The following ASTN2 variants were observed in gnomAD, a reference collection of about 807,000 sequenced individuals.
ASTN2 encodes astrotactin 2.
A neutral mutation model predicts 139.8 loss-of-function variants in ASTN2; 54 were observed. The observed-to-expected ratio is 0.39, with a 90% CI of 0.31 to 0.48. The LOEUF (loss-of-function observed/expected upper bound fraction) is 0.48. Ranked by LOEUF, ASTN2 falls within the 20% of genes least tolerant of loss-of-function variation. The pLI is 0.95. For missense variants in ASTN2, 1,565 were observed against 1,725.1 expected, an observed-to-expected ratio of 0.91 and a Z score of 1.64; for synonymous variants, 756 against 719.5, an observed-to-expected ratio of 1.05 and a Z score of -0.81.
chr9:116,447,217 G>A lies in ASTN2; in HGVS notation c.3498-4664C>T, dbSNP rs1194760466. Among the ~76,000 whole-genome samples the A allele has an allele frequency of 2.6e-5, 4 of 151,998 alleles. No individual in the cohort carries two copies. The East Asian group carries it at 5.8e-4, about 22-fold the overall frequency. The stretch of plus-strand genomic sequence containing the variant: ...CTCTCCACCTTGTCCTTGAAGCATC[G>A]CTCAAACCTTACCTCCTCTGGAAAG... On this transcript the variant is annotated intron_variant, in intron 20 of 22. Transcript: ENST00000313400.
At chr9:116,834,765 C>T (rs140810359) in intron 11 of ASTN2, among the ~76,000 whole-genome samples, 115 of 152,296 alleles carry the variant, frequency 7.6e-4, no homozygotes, top group African/African-American at 2.6e-3. Context: ...AAACTATTTG[C>T]GACTGGGCAC....
At chr9:116,996,337 T>C (rs1489473606) in intron 7 of ASTN2, among the ~76,000 whole-genome samples, 1 of 152,190 alleles carries the variant, frequency 6.6e-6, no homozygotes, top group Non-Finnish European at 1.5e-5. Context: ...ATTTAAAATA[T>C]AATCACATCT....
Position 117,203,308 on chromosome 9 carries a change from T to C in ASTN2, c.1015+11050A>G, listed in dbSNP as rs534470486. ...GCTCCTTTAGCTCATCATGGTTTTTTATTACCCATCTTCTGAAGCCTACTC... is the reference window on the plus strand; with the variant it reads ...GCTCCTTTAGCTCATCATGGTTTTTCATTACCCATCTTCTGAAGCCTACTC... On this transcript the variant is annotated intron_variant, in intron 3 of 22. Transcript: ENST00000313400. Among the ~76,000 whole-genome samples the C allele has an allele frequency of 2.6e-5, 4 of 152,248 alleles. No individual in the cohort carries two copies. The East Asian group carries it at 7.8e-4, about 30-fold the overall frequency.
chr9:117,138,716 A>T lies in ASTN2; in HGVS notation c.1168+2610T>A, dbSNP rs183356096. 3.1e-3 allele frequency among the ~76,000 whole-genome samples: 471 copies of T among 152,354 alleles called. 1 individual carries two copies. The highest frequency in any genetic ancestry group is 0.02 in the Middle Eastern group (6 of 294). On this transcript the variant is annotated intron_variant, in intron 4 of 22. Coordinates refer to ENST00000313400, the MANE Select transcript of ASTN2 (RefSeq NM_001365068.1). Reference sequence around the variant, plus strand: ...TGATGGTGACAAAGAGGAAGGACAGATATGGAAGAGATACAAATAAATTTC... The same window carrying T: ...TGATGGTGACAAAGAGGAAGGACAGTTATGGAAGAGATACAAATAAATTTC...
chr9:117,062,093 C>T (rs916046734), intron 5 of ASTN2, among the ~76,000 whole-genome samples: 2 of 152,168 alleles, frequency 1.3e-5, no homozygotes, highest in Non-Finnish European at 2.9e-5. Flanking sequence ...TTCTCCTGTA[C>T]CACACGATGA....
chr9:116,956,934 T>A (rs1160863686), intron 10 of ASTN2, among the ~76,000 whole-genome samples: 2 of 152,118 alleles, frequency 1.3e-5, no homozygotes, highest in African/African-American at 4.8e-5. Context: ...GAAATTAAGA[T>A]CTAAATAGAA....
rs1831018858 is a variant in ASTN2 at position 116,805,931 on chromosome 9, G to C, written c.2208-111C>G. 2.9e-6 allele frequency: 3 copies of C among 1,040,958 alleles called. No homozygotes were observed. In the South Asian group the frequency reaches 4.7e-5, roughly 16 times the overall value. The allele number at this position is 1,040,958 out of a possible 1,614,324, so 64.5% of individuals were successfully genotyped here. ...TGCAAAACAGGTCAGAGTTTAGGAA[G>C]GAGACAGCTATTCTACCTGGAATCT... On this transcript the variant is annotated intron_variant, in intron 12 of 22. Coordinates refer to ENST00000313400, the MANE Select transcript of ASTN2 (RefSeq NM_001365068.1).
chr9:117,183,723 C>T (rs533149363), intron 3 of ASTN2, among the ~76,000 whole-genome samples: 1 of 152,314 alleles, frequency 6.6e-6, no homozygotes, highest in Admixed American at 6.5e-5. Context: ...GGCTTAGATA[C>T]CTTGGTTGAA....
intron 16 of ASTN2, among the ~76,000 whole-genome samples, chr9:116,707,285 CAAAAAAAAAAA>C (rs766053427): frequency 0.051 from 3,085 of 60,632 alleles, 71 homozygotes; most frequent in Middle Eastern, 0.15. Context: ...GCCCCCTGAC[CAAAAAAAAAAA>C]AAAAAAAAAA....
intron 2 of ASTN2, among the ~76,000 whole-genome samples, chr9:117,286,392 C>T (rs1314942578): frequency 7.4e-6 from 1 of 134,334 alleles, no homozygotes; most frequent in East Asian, 2.3e-4. Flanking sequence ...CACTCTGTTG[C>T]CCAGGCTGGA....
intron 19 of ASTN2, among the ~76,000 whole-genome samples, chr9:116,586,911 C>T (rs1854181808): frequency 6.6e-6 from 1 of 150,812 alleles, no homozygotes; most frequent in African/African-American, 2.4e-5. Context: ...TGGACAAAAT[C>T]CTGACAGTGA....
intron 2 of ASTN2, among the ~76,000 whole-genome samples, chr9:117,219,151 A>G (rs537787449): frequency 6.6e-6 from 1 of 152,338 alleles, no homozygotes; most frequent in South Asian, 2.1e-4. Flanking sequence ...AATGCAGATG[A>G]GTGACTCAGA....
chr9:117,214,428 G>A lies in ASTN2; in HGVS notation c.945C>T (p.Gly315=). Reference sequence around the variant, plus strand: ...TGTCCAGAGTGTGGGTCACCTGGCTGCCAAACTCGTCCTCGCGGGAGACAT... The same window carrying A: ...TGTCCAGAGTGTGGGTCACCTGGCTACCAAACTCGTCCTCGCGGGAGACAT... ...ANHVSREDEF[G]SQVTHTLDSL... Residue 315 remains glycine (G), a synonymous_variant, in exon 3 of 23, where the codon GGC becomes GGT. Coordinates refer to ENST00000313400, the MANE Select transcript of ASTN2 (RefSeq NM_001365068.1). The A allele has an allele frequency of 6.2e-7, 1 of 1,614,050 alleles. No individual in the cohort carries two copies. Among genetic ancestry groups the A allele is most frequent in the Non-Finnish European group, 8.5e-7 (1 of 1,179,910 alleles).
chr9:117,211,616 T>A (rs1178119870), intron 3 of ASTN2, among the ~76,000 whole-genome samples: 1 of 152,190 alleles, frequency 6.6e-6, no homozygotes, highest in Non-Finnish European at 1.5e-5. Context: ...CAATTAAACC[T>A]CTTTTCTTTA....
chr9:116,608,431 G>C (rs1239517925), intron 19 of ASTN2, among the ~76,000 whole-genome samples: 1 of 152,106 alleles, frequency 6.6e-6, no homozygotes, highest in Non-Finnish European at 1.5e-5. Flanking sequence ...CACACTGAAG[G>C]GTCCTCCCTT....
chr9:117,092,873 G>A (rs1057042644), intron 5 of ASTN2, among the ~76,000 whole-genome samples: 1 of 152,150 alleles, frequency 6.6e-6, no homozygotes, highest in Non-Finnish European at 1.5e-5. Flanking sequence ...GGTCCAGGCA[G>A]GCCTGGGGGT....
rs763163311 is a variant in ASTN2 at position 116,766,448 on chromosome 9, A to G, written c.2397-32925T>C. On this transcript the variant is annotated intron_variant, in intron 13 of 22. Coordinates refer to ENST00000313400, the MANE Select transcript of ASTN2 (RefSeq NM_001365068.1). ...CATTCACACTCACACATAAACACAC[A>G]CATTCATACTCACACAAACTCAGTC... Among the ~76,000 whole-genome samples the G allele has an allele frequency of 2.0e-4, 30 of 151,964 alleles. 2 individuals carry two copies. Among genetic ancestry groups the G allele is most frequent in the Non-Finnish European group, 1.2e-4 (8 of 67,970 alleles).
At chr9:116,873,299 A>G (rs1211479903) in intron 10 of ASTN2, among the ~76,000 whole-genome samples, 1 of 152,212 alleles carries the variant, frequency 6.6e-6, no homozygotes, top group Non-Finnish European at 1.5e-5. Context: ...GATTTCTTGA[A>G]AAACAGCTTC....
At chr9:116,666,844 C>T (rs903030321) in intron 16 of ASTN2, among the ~76,000 whole-genome samples, 1 of 149,498 alleles carries the variant, frequency 6.7e-6, no homozygotes, top group African/African-American at 2.5e-5. Context: ...ACATCTTCAA[C>T]AAATAACAGC....
Sources: allele counts gnomAD v4.1 joint callset (sites outside exome capture counted in the v4.1 genomes callset), GRCh38; gene constraint gnomAD v4.1.1; transcripts MANE v1.5; gene names NCBI Gene and HGNC (gene_info 2026-07-23, HGNC 2026-07-21).